CSMD1: variants seen among roughly 807,000 people sequenced by gnomAD.
CSMD1 encodes CUB and sushi domain-containing protein 1.
Under a neutral mutation model 417.5 loss-of-function variants are expected in CSMD1, and 213 were observed. That is an observed-to-expected ratio of 0.51 (90% CI 0.46 to 0.57). The LOEUF is 0.57. Among genes scored for constraint, CSMD1 ranks in the 20% least tolerant of loss-of-function variants. CSMD1 has a pLI of 0.00. For missense variants in CSMD1, 6,923 were observed against 4,529.7 expected, an observed-to-expected ratio of 1.53 and a Z score of -15.17; for synonymous variants, 2,862 against 1,736.8, an observed-to-expected ratio of 1.65 and a Z score of -16.11.
intron 3 of CSMD1, among the ~76,000 whole-genome samples, chr8:4,288,407 G>A (rs1020850783): frequency 6.6e-6 from 1 of 152,106 alleles, no homozygotes; most frequent in Non-Finnish European, 1.5e-5. Context: ...AAATATCTCA[G>A]GCTTGTTCAC....
intron 2 of CSMD1, among the ~76,000 whole-genome samples, chr8:4,622,205 A>T (rs371030431): frequency 6.6e-6 from 1 of 151,686 alleles, no homozygotes; most frequent in Non-Finnish European, 1.5e-5. Flanking sequence ...AGACATATTG[A>T]CCTGACATTA....
At chr8:3,956,734 T>G (rs1811973903) in intron 5 of CSMD1, among the ~76,000 whole-genome samples, 1 of 152,150 alleles carries the variant, frequency 6.6e-6, no homozygotes, top group Admixed American at 6.5e-5. Context: ...TCAGTTGGGC[T>G]GAACGTTCTT....
chr8:3,686,839 A>G (rs1799968071), intron 7 of CSMD1, among the ~76,000 whole-genome samples: 2 of 152,182 alleles, frequency 1.3e-5, no homozygotes, highest in Admixed American at 1.3e-4. Context: ...TGAAATTTGC[A>G]TTAAATAAAC....
intron 4 of CSMD1, among the ~76,000 whole-genome samples, chr8:4,023,106 G>A (rs1167148863): frequency 6.6e-6 from 1 of 152,168 alleles, no homozygotes; most frequent in Non-Finnish European, 1.5e-5. Context: ...AGCTAATGCA[G>A]TGGATGTACA....
intron 5 of CSMD1, among the ~76,000 whole-genome samples, chr8:3,784,287 GATAA>G (rs1241810272): frequency 3.3e-5 from 5 of 152,070 alleles, no homozygotes; most frequent in Admixed American, 2.0e-4. Context: ...AAATTTCTCA[GATAA>G]ATAATATTAA....
chr8:4,263,811 A>C (rs908426297), intron 3 of CSMD1, among the ~76,000 whole-genome samples: 1 of 152,206 alleles, frequency 6.6e-6, no homozygotes, highest in Non-Finnish European at 1.5e-5. Context: ...CCTAAATTAT[A>C]CATATTTTCT....
At chr8:4,282,340 A>T (rs1325591494) in intron 3 of CSMD1, among the ~76,000 whole-genome samples, 1 of 152,188 alleles carries the variant, frequency 6.6e-6, no homozygotes, top group African/African-American at 2.4e-5. Flanking sequence ...ATCATAACAC[A>T]GATCTTCTGG....
chr8:4,090,637 C>A (rs1057294793), intron 3 of CSMD1, among the ~76,000 whole-genome samples: 5 of 152,154 alleles, frequency 3.3e-5, no homozygotes, highest in Non-Finnish European at 7.3e-5. Context: ...AAGAACGTCC[C>A]TGAACTTAAG....
At chr8:3,799,634 G>A (rs1482424497) in intron 5 of CSMD1, among the ~76,000 whole-genome samples, 1 of 151,862 alleles carries the variant, frequency 6.6e-6, no homozygotes, top group Non-Finnish European at 1.5e-5. Context: ...GCTTGTACTT[G>A]TAGCATTGCA....
intron 3 of CSMD1, among the ~76,000 whole-genome samples, chr8:4,101,202 C>T (rs1024730582): frequency 1.3e-5 from 2 of 152,178 alleles, no homozygotes; most frequent in Non-Finnish European, 1.5e-5. Flanking sequence ...CCTACATACA[C>T]GTATGAATTC....
At chr8:4,198,198 C>A (rs1030720669) in intron 3 of CSMD1, among the ~76,000 whole-genome samples, 2 of 152,150 alleles carry the variant, frequency 1.3e-5, no homozygotes, top group Admixed American at 1.3e-4. Context: ...AGCAGAGAGT[C>A]CAAGGTAGCA....
chr8:3,302,617 C>G (rs1240554136), intron 25 of CSMD1, among the ~76,000 whole-genome samples: 1 of 152,208 alleles, frequency 6.6e-6, no homozygotes, highest in Non-Finnish European at 1.5e-5. Context: ...CAACTACCCT[C>G]TTTGCTGTCT....
intron 21 of CSMD1, among the ~76,000 whole-genome samples, chr8:3,351,193 T>A (rs1355236133): frequency 1.3e-5 from 2 of 152,362 alleles, no homozygotes; most frequent in East Asian, 3.9e-4. Context: ...AATGTGAATA[T>A]ACATGACCAA....
At chr8:4,161,918 C>G (rs185147439) in intron 3 of CSMD1, among the ~76,000 whole-genome samples, 5 of 152,106 alleles carry the variant, frequency 3.3e-5, no homozygotes, top group African/African-American at 1.2e-4. Context: ...CAGTTCATAT[C>G]CCTTTCGTTT....
At chr8:4,935,767 TAGAA>T (rs1334686903) in intron 1 of CSMD1, among the ~76,000 whole-genome samples, 15 of 152,314 alleles carry the variant, frequency 9.8e-5, no homozygotes, top group Non-Finnish European at 1.0e-4. Context: ...CTTCTGTGAT[TAGAA>T]AGAAAGACGA....
chr8:4,854,802 G>C (rs2116847479), intron 1 of CSMD1, among the ~76,000 whole-genome samples: 1 of 152,304 alleles, frequency 6.6e-6, no homozygotes, highest in African/African-American at 2.4e-5. Context: ...ACAGCAGTCT[G>C]AGATCAAACT....
At chr8:3,251,609 T>C (rs923115915) in intron 26 of CSMD1, among the ~76,000 whole-genome samples, 1 of 152,202 alleles carries the variant, frequency 6.6e-6, no homozygotes, top group Non-Finnish European at 1.5e-5. Flanking sequence ...AGAAAGTCAT[T>C]GGTAGCTTGA....
Position 2,980,424 on chromosome 8 carries a change from CCTT to C in CSMD1, c.8378-1627_8378-1625del, listed in dbSNP as rs556575102. Among the ~76,000 whole-genome samples the C allele has an allele frequency of 2.0e-3, 298 of 151,888 alleles. 1 individual carries two copies. Among genetic ancestry groups the C allele is most frequent in the African/African-American group, 6.7e-3 (278 of 41,398 alleles). ...CTCCACCTCCTTGTCCTCTCCTCCT[CCTT>C]TTCTTCCTCCTCCTCCTCTTCTTCC... On this transcript the variant is annotated intron_variant, in intron 54 of 69. Transcript: ENST00000635120.
intron 3 of CSMD1, among the ~76,000 whole-genome samples, chr8:4,148,914 C>T (rs973067625): frequency 6.6e-6 from 1 of 152,112 alleles, no homozygotes; most frequent in Non-Finnish European, 1.5e-5. Context: ...TCACCATCAT[C>T]TGCACTTTTC....
Sources: gnomAD v4.1 joint callset for allele counts (sites outside exome capture counted in the v4.1 genomes callset) on GRCh38, gnomAD v4.1.1 for gene constraint, MANE v1.5 for transcripts, NCBI Gene and HGNC (gene_info 2026-07-23, HGNC 2026-07-21) for gene names.